Variants in CACNA1I observed in about 807,000 individuals in gnomAD.
The protein encoded by CACNA1I is voltage-dependent T-type calcium channel subunit alpha-1I.
A neutral mutation model predicts 201.6 loss-of-function variants in CACNA1I; 74 were observed. The observed-to-expected ratio is 0.37, with a 90% confidence interval of 0.30 to 0.45. The LOEUF is 0.45. Ranked by LOEUF, CACNA1I falls within the 20% of genes least tolerant of loss-of-function variation. The pLI, the probability that CACNA1I is intolerant of heterozygous loss-of-function variation, is 1.00. For missense variants in CACNA1I, 2,346 were observed against 3,138.1 expected (o/e 0.75, Z 6.03); for synonymous variants, 1,431 against 1,345.2 (o/e 1.06, Z -1.40).
At chr22:39,610,812 C>T (rs1032487122) in intron 3 of CACNA1I, among the ~76,000 whole-genome samples, 4 of 152,118 alleles carry the variant, frequency 2.6e-5, no homozygotes, top group East Asian at 1.9e-4. Context: ...GCAGGCAGCT[C>T]GGGGCTCAGT....
chr22:39,662,651 C>T, intron 17 of CACNA1I, 125 bp from the exon 18 acceptor site: 2 of 754,568 alleles, frequency 2.7e-6, no homozygotes, highest in Non-Finnish European at 4.4e-6. Context: ...CCCTCCCTGG[C>T]TGCCCCCGGG....
In CACNA1I at chr22:39,582,727, C is replaced by T. The variant is rs1601792910; in HGVS notation, c.236+11739C>T. 2.0e-5 allele frequency among the ~76,000 whole-genome samples: 3 copies of T among 149,752 alleles called. No individual in the cohort carries two copies. In the East Asian group the frequency reaches 5.9e-4, roughly 30 times the overall value. Reference sequence around the variant, plus strand: ...AACTACCTTCCCATACTCCCACTCACCCATCTTCCCCCATACACCCCCCCA... The same window carrying T: ...AACTACCTTCCCATACTCCCACTCATCCATCTTCCCCCATACACCCCCCCA... On this transcript the variant is annotated intron_variant, in intron 1 of 36. Transcript: ENST00000402142.
intron 1 of CACNA1I, 49 bp downstream of exon 1, chr22:39,571,037 TG>T (rs748354375): frequency 1.3e-6 from 2 of 1,494,912 alleles, no homozygotes. Flanking sequence ...GGCTGAAGGG[TG>T]GGGGGCTGGA....
In CACNA1I at chr22:39,649,600, G is replaced by A. The variant is rs890490315; in HGVS notation, c.1667G>A (p.Cys556Tyr). Residue 556 changes from cysteine to tyrosine, a missense_variant, in exon 10 of 37, where the codon TGC becomes TAC. This residue lies in a region of CACNA1I where 312 missense variants were observed against 331.5 expected (regional missense o/e 0.94). Transcript: ENST00000402142. This position sits in a 1 kb window ranked among gnomAD's most constrained non-coding sequence, Gnocchi z 7.3. ...TCCGATCCCGCCAGCTGCCCTTGCTGCCAGCATGAGGACGGCCGGCGGCCC... is the reference window on the plus strand; with the variant it reads ...TCCGATCCCGCCAGCTGCCCTTGCTACCAGCATGAGGACGGCCGGCGGCCC... ...LASDPASCPCCQHEDGRRPSG... is the reference protein window; with the variant it reads ...LASDPASCPCYQHEDGRRPSG... 16 of 1,542,266 alleles carry A rather than the reference G, an allele frequency of 1.0e-5. No individual in the cohort carries two copies. In the African/African-American group the frequency reaches 2.2e-4, roughly 21 times the overall value.
intron 4 of CACNA1I, among the ~76,000 whole-genome samples, chr22:39,632,901 G>T (rs900323080): frequency 6.6e-6 from 1 of 151,748 alleles, no homozygotes; most frequent in African/African-American, 2.4e-5. Flanking sequence ...GCCTGCTCTC[G>T]GTGGGGTGAA....
intron 3 of CACNA1I, among the ~76,000 whole-genome samples, chr22:39,603,062 G>T (rs1440360472): frequency 1.3e-5 from 2 of 152,084 alleles, no homozygotes; most frequent in Non-Finnish European, 2.9e-5. Flanking sequence ...TGAGGCTGGA[G>T]GCTGGGCTCC....
At position 39,676,361 on chromosome 22, in the gene CACNA1I, C is replaced by A. The variant is rs931512475; in HGVS notation, c.4855-980C>A. On this transcript the variant is annotated intron_variant, in intron 29 of 36. Coordinates refer to ENST00000402142, the MANE Select transcript of CACNA1I (RefSeq NM_021096.4). The surrounding 1 kb of genome is among the most constrained non-coding windows in gnomAD (Gnocchi z 4.8). ...CAGTGTAGAACGGCTGGCCAGGAAACCCTGCTCTGGAGTGGAGCGGAGAAA... is the reference window on the plus strand; with the variant it reads ...CAGTGTAGAACGGCTGGCCAGGAAAACCTGCTCTGGAGTGGAGCGGAGAAA... 4.0e-5 allele frequency among the ~76,000 whole-genome samples: 6 copies of A among 150,716 alleles called. No homozygotes were observed. The highest frequency in any genetic ancestry group is 8.9e-5 in the Non-Finnish European group (6 of 67,590).
At chr22:39,630,496 G>A (rs866659076) in intron 4 of CACNA1I, among the ~76,000 whole-genome samples, 13 of 152,198 alleles carry the variant, frequency 8.5e-5, no homozygotes, top group South Asian at 2.1e-4. Context: ...CCATTCACTC[G>A]CCCACCGCTC....
intron 28 of CACNA1I, among the ~76,000 whole-genome samples, chr22:39,673,663 G>A (rs890446320): frequency 2.0e-5 from 3 of 152,178 alleles, no homozygotes; most frequent in East Asian, 1.9e-4. Context: ...CTTTGTGCCC[G>A]TGACAGTTCA....
chr22:39,570,905 C>A lies in CACNA1I; in HGVS notation c.153C>A (p.His51Gln). Residue 51 changes from histidine (H) to glutamine (Q), a missense_variant, in exon 1 of 37, where the codon CAC (histidine) becomes CAA (glutamine). His to Gln is a conservative substitution (Grantham distance 24). Transcript: ENST00000402142. ...PLDGADPHVP[H>Q]PDLAPIAFFC... Reference sequence around the variant, plus strand: ...ATGGAGCTGATCCTCATGTCCCACACCCAGACCTGGCGCCTATTGCCTTCT... The same window carrying A: ...ATGGAGCTGATCCTCATGTCCCACAACCAGACCTGGCGCCTATTGCCTTCT... 1 of 1,613,914 alleles carries A rather than the reference C, an allele frequency of 6.2e-7. No homozygotes were observed. The highest frequency in any genetic ancestry group is 8.5e-7 in the Non-Finnish European group (1 of 1,179,882).
intron 18 of CACNA1I, among the ~76,000 whole-genome samples, chr22:39,663,230 G>A (rs1935082552): frequency 6.6e-6 from 1 of 152,206 alleles, no homozygotes; most frequent in Non-Finnish European, 1.5e-5. Context: ...CCTGTGCTGG[G>A]CACCAGGTTG....
intron 1 of CACNA1I, among the ~76,000 whole-genome samples, chr22:39,587,929 C>T (rs1046321791): frequency 6.6e-6 from 1 of 151,752 alleles, no homozygotes; most frequent in Admixed American, 6.6e-5. Flanking sequence ...GCATGTGCCA[C>T]CATGCCTGGA....
chr22:39,604,185 G>T (rs1194346171), intron 3 of CACNA1I, among the ~76,000 whole-genome samples: 1 of 152,108 alleles, frequency 6.6e-6, no homozygotes, highest in Non-Finnish European at 1.5e-5. Flanking sequence ...GCACCCCCAC[G>T]CTGCCCTTTT....
In CACNA1I at chr22:39,598,206, A is replaced by G; in HGVS notation, c.292A>G (p.Met98Val). The part of the protein sequence containing the change: ...VILLNCVTLG[M>V]YQPCDDMDCL... ...CCTGCTGAACTGCGTGACACTTGGC[A>G]TGTACCAGCCGTGCGACGACATGGA... The change falls in exon 2 of 37, where the codon ATG becomes GTG. Residue 98 changes from methionine to valine, a missense_variant. Met to Val is a conservative substitution (Grantham distance 21). This residue lies in a region of CACNA1I where 130 missense variants were observed against 160.7 expected (regional missense o/e 0.81). Transcript: ENST00000402142. 3 of 1,609,718 alleles carry G rather than the reference A, an allele frequency of 1.9e-6. No homozygotes were observed. The highest frequency in any genetic ancestry group is 2.5e-6 in the Non-Finnish European group (3 of 1,178,396).
chr22:39,637,067 T>C (rs1458211352), intron 5 of CACNA1I, among the ~76,000 whole-genome samples: 1 of 152,200 alleles, frequency 6.6e-6, no homozygotes, highest in Non-Finnish European at 1.5e-5. Context: ...CAGGACACTG[T>C]CATTCCACAA....
chr22:39,672,797 G>A (rs1016211938), intron 27 of CACNA1I, among the ~76,000 whole-genome samples, 152 bp from the exon 28 acceptor site: 6 of 152,130 alleles, frequency 3.9e-5, no homozygotes, highest in African/African-American at 9.7e-5. Flanking sequence ...ACCCAGTGGC[G>A]TTAGGAGGGG....
intron 4 of CACNA1I, among the ~76,000 whole-genome samples, chr22:39,626,701 A>C (rs1933909851): frequency 6.6e-6 from 1 of 151,856 alleles, no homozygotes; most frequent in Non-Finnish European, 1.5e-5. Context: ...GGTTCAAGCG[A>C]TTCTCCTGCC....
chr22:39,681,992 G>A (rs1935718744), intron 34 of CACNA1I, among the ~76,000 whole-genome samples: 1 of 152,220 alleles, frequency 6.6e-6, no homozygotes, highest in South Asian at 2.1e-4. Context: ...GACTCAGCAA[G>A]TCATTGGAGG....
chr22:39,628,431 G>C, intron 4 of CACNA1I, among the ~76,000 whole-genome samples: 2 of 152,024 alleles, frequency 1.3e-5, no homozygotes, highest in African/African-American at 4.8e-5. Flanking sequence ...GAGTGGTTTG[G>C]GGCACAGCAG....
Sources: allele counts gnomAD v4.1 joint callset (sites outside exome capture counted in the v4.1 genomes callset), GRCh38; gene constraint gnomAD v4.1.1; regional missense constraint gnomAD v4.1.1; non-coding constraint Gnocchi (gnomAD v3.1); transcripts MANE v1.5; gene names NCBI Gene and HGNC (gene_info 2026-07-23, HGNC 2026-07-21).